FREM2: variants seen among roughly 807,000 people sequenced by gnomAD.
FREM2 encodes the protein FRAS1 related extracellular matrix 2, also known as FRAS1-related extracellular matrix protein 2.
Under a neutral mutation model 219.9 loss-of-function variants are expected in FREM2, and 119 were observed. The ratio of observed to expected loss-of-function variants is 0.54; its 90% CI spans 0.47 to 0.63. FREM2 has a LOEUF of 0.63. Among genes scored for constraint, FREM2 ranks in the 30% least tolerant of loss-of-function variants. FREM2 has a pLI of 0.00. For synonymous variants in FREM2, 1,562 were observed against 1,522.8 expected, an observed-to-expected ratio of 1.03 and a Z score of -0.60; for missense variants, 4,030 against 3,993.6, an observed-to-expected ratio of 1.01 and a Z score of -0.25.
intron 2 of FREM2, among the ~76,000 whole-genome samples, chr13:38,699,012 A>T (rs752244723): frequency 6.6e-6 from 1 of 152,166 alleles, no homozygotes; most frequent in Non-Finnish European, 1.5e-5. Flanking sequence ...ACGAAGTTCT[A>T]AAAAGGAAAT....
At position 38,721,667 on chromosome 13, in the gene FREM2, A is replaced by C. The variant is rs9603413; in HGVS notation, c.5263+23880A>C. ...GCTAGGCATACTCAAGCTATTTCAC[A>C]GTTCTTGTTTCTGAGGCTATGTTTA... On this transcript the variant is annotated intron_variant, in intron 2 of 23. Coordinates refer to ENST00000280481, the MANE Select transcript of FREM2 (RefSeq NM_207361.6). Among the ~76,000 whole-genome samples, 71 of 152,222 alleles carry C rather than the reference A, an allele frequency of 4.7e-4. 1 individual carries two copies. In the South Asian group the frequency reaches 0.014, roughly 30 times the overall value.
In FREM2 at chr13:38,769,736, C is replaced by T; in HGVS notation, c.5569C>T (p.Leu1857Phe). Residue 1857 changes from leucine (L) to phenylalanine (F), a missense_variant, in exon 4 of 24, where the codon CTC (leucine) becomes TTC (phenylalanine). This residue lies in a region of FREM2 where 3,102 missense variants were observed against 2,950.7 expected (regional missense o/e 1.05). Transcript: ENST00000280481. Reference sequence around the variant, plus strand: ...GCAGTCTGAAACCTTTCAGGTGGTACTCTCAGAGCCCGTGCTGGCTGCCTT... The same window carrying T: ...GCAGTCTGAAACCTTTCAGGTGGTATTCTCAGAGCCCGTGCTGGCTGCCTT... ...HEQSETFQVV[L>F]SEPVLAALEF... The T allele has an allele frequency of 1.9e-6, 3 of 1,614,124 alleles. No individual in the cohort carries two copies. The highest frequency in any genetic ancestry group is 2.5e-6 in the Non-Finnish European group (3 of 1,179,994).
At chr13:38,806,561 T>G (rs953268445) in intron 6 of FREM2, among the ~76,000 whole-genome samples, 1 of 152,080 alleles carries the variant, frequency 6.6e-6, no homozygotes, top group Admixed American at 6.5e-5. Context: ...TGTCTAAAAA[T>G]GTACATACCT....
In FREM2 at chr13:38,856,771, A is replaced by G. The variant is rs565751862; in HGVS notation, c.7056+515A>G. ...CTTGTTTTCTATACTTACTTAATTT[A>G]TATTGTCTCACTAACCAGGTTTTCC... On this transcript the variant is annotated intron_variant, in intron 12 of 23. Transcript: ENST00000280481. Among the ~76,000 whole-genome samples the G allele has an allele frequency of 5.8e-5, 8 of 137,482 alleles. 1 individual carries two copies. The highest frequency in any genetic ancestry group is 2.3e-4 in the African/African-American group (7 of 30,922). The allele number at this position is 137,482 out of a possible 152,430, so 90.2% of individuals were successfully genotyped here.
At chr13:38,751,596 C>G (rs1173926778) in intron 2 of FREM2, among the ~76,000 whole-genome samples, 1 of 152,136 alleles carries the variant, frequency 6.6e-6, no homozygotes, top group Non-Finnish European at 1.5e-5. Context: ...CCCCTCCCTC[C>G]TCTGAGCCCC....
Position 38,880,333 on chromosome 13 carries a change from C to A in FREM2, c.9056C>A (p.Ser3019Ter). The A allele has an allele frequency of 6.2e-7, 1 of 1,613,830 alleles. No homozygotes were observed. The highest frequency in any genetic ancestry group is 8.5e-7 in the Non-Finnish European group (1 of 1,179,962). ...WYIHTIYTVR[S>*]KDNANRGIGK... ...ATACATACGATCTATACAGTGAGAT[C>A]GAAAGACAATGCCAATCGAGGTATT... Residue 3019 changes from serine (S) to a stop codon, truncating the protein, a stop_gained, in exon 24 of 24, where the codon TCG becomes TAG. Transcript: ENST00000280481. LOFTEE classifies it low-confidence loss of function (END_TRUNC).
chr13:38,763,116 T>C (rs1055744340), intron 2 of FREM2, among the ~76,000 whole-genome samples: 1 of 152,218 alleles, frequency 6.6e-6, no homozygotes, highest in Non-Finnish European at 1.5e-5. Flanking sequence ...CTTGCACACA[T>C]TGGCACATAG....
chr13:38,787,806 C>T (rs750422530), intron 6 of FREM2, among the ~76,000 whole-genome samples: 15 of 150,082 alleles, frequency 1.0e-4, no homozygotes, highest in South Asian at 2.1e-4. Context: ...TGTTATTCAA[C>T]GAATATTGCA....
In FREM2 at chr13:38,764,418, G is replaced by A. The variant is rs144476070; in HGVS notation, c.5378G>A (p.Arg1793His). ...AAATTTCTAGATGTTGTTCTTAAAC[G>A]TAGAGGTTACTTGGGAGAAACTTCT... ...DSKFLDVVLKRRGYLGETSFI... is the reference protein window; with the variant it reads ...DSKFLDVVLKHRGYLGETSFI... Residue 1793 changes from arginine (R) to histidine (H), a missense_variant, in exon 3 of 24, where the codon CGT becomes CAT. By Grantham distance (29) the Arg-to-His change is conservative. Around this residue, in one of 2 missense-constraint regions of FREM2, gnomAD observed 3,102 missense variants for 2,950.7 expected, o/e 1.05. Transcript: ENST00000280481. 3.8e-6 allele frequency: 6 copies of A among 1,588,200 alleles called. No homozygotes were observed. Among genetic ancestry groups the A allele is most frequent in the African/African-American group, 1.3e-5 (1 of 74,420 alleles).
At chr13:38,705,911 A>G (rs1402266113) in intron 2 of FREM2, among the ~76,000 whole-genome samples, 1 of 152,076 alleles carries the variant, frequency 6.6e-6, no homozygotes, top group Non-Finnish European at 1.5e-5. Flanking sequence ...TGGTAGAAAG[A>G]TGGGGGAATA....
intron 6 of FREM2, among the ~76,000 whole-genome samples, chr13:38,834,779 C>A (rs1876646062): frequency 6.6e-6 from 1 of 152,186 alleles, no homozygotes; most frequent in Admixed American, 6.5e-5. Flanking sequence ...ATCCTTTGCC[C>A]ACTTTTTCAT....
intron 6 of FREM2, among the ~76,000 whole-genome samples, chr13:38,832,693 T>A (rs1403768905): frequency 6.6e-6 from 1 of 152,174 alleles, no homozygotes; most frequent in Admixed American, 6.6e-5. Flanking sequence ...TTAAACAATA[T>A]TACTATTTTT....
chr13:38,729,095 A>ATCCT (rs1316398315), intron 2 of FREM2, among the ~76,000 whole-genome samples: 1 of 152,182 alleles, frequency 6.6e-6, no homozygotes, highest in Non-Finnish European at 1.5e-5. Flanking sequence ...TTGGCCTCCT[A>ATCCT]TCCTTCTCTT....
At chr13:38,814,813 C>T (rs1014107972) in intron 6 of FREM2, among the ~76,000 whole-genome samples, 15 of 152,162 alleles carry the variant, frequency 9.9e-5, no homozygotes, top group African/African-American at 3.1e-4. Flanking sequence ...CTCCCCTTTT[C>T]GCAGTCAGAG....
At position 38,764,338 on chromosome 13, in the gene FREM2, G is replaced by A. The variant is rs142228317; in HGVS notation, c.5298G>A (p.Leu1766=). The change falls in exon 3 of 24, where the codon CTG becomes CTA. Residue 1766 remains leucine, a synonymous_variant. Coordinates refer to ENST00000280481, the MANE Select transcript of FREM2 (RefSeq NM_207361.6). ...AGTTAACGTACCAGAATTTTCGTCT[G>A]AATTGGGCATGGATCTCCTTTGAAA... The part of the protein sequence containing the change: ...GNKLTYQNFR[L]NWAWISFEKE... 5.0e-6 allele frequency: 8 copies of A among 1,611,684 alleles called. No homozygotes were observed. Among genetic ancestry groups the A allele is most frequent in the Admixed American group, 3.3e-5 (2 of 59,994 alleles).
At chr13:38,869,173 A>G (rs768374497) in intron 16 of FREM2, among the ~76,000 whole-genome samples, 1 of 152,228 alleles carries the variant, frequency 6.6e-6, no homozygotes, top group African/African-American at 2.4e-5. Context: ...TGTTCTTAGT[A>G]GCTAAAGCTA....
Position 38,739,169 on chromosome 13 carries a change from C to A in FREM2, c.5264-25135C>A, listed in dbSNP as rs146630516. ...GTAGAGTAGTAGTAGCAATCATTGT[C>A]ATAATCATCATCATCATCACTATTT... is the stretch of plus-strand genomic sequence containing the variant. On this transcript the variant is annotated intron_variant, in intron 2 of 23. Transcript: ENST00000280481. Among the ~76,000 whole-genome samples the A allele has an allele frequency of 4.5e-3, 681 of 152,188 alleles. 14 individuals carry two copies. The highest frequency in any genetic ancestry group is 0.016 in the African/African-American group (645 of 41,522).
rs1400422765 is a variant in FREM2, at chr13:38,887,081, C to T, written c.*6294C>T. ...GTGTTTCATAACTACGCTTGCTTTC[C>T]TTCAAAATATACCAAGTGTGTAATA... is the stretch of plus-strand genomic sequence containing the variant. On this transcript the variant is annotated 3_prime_UTR_variant, in exon 24 of 24. Transcript: ENST00000280481. 6.6e-6 allele frequency: 1 copy of T among 152,182 alleles called. No homozygotes were observed. The highest frequency in any genetic ancestry group is 1.5e-5 in the Non-Finnish European group (1 of 68,038). The allele number at this position is 152,182 out of a possible 1,614,324, so 9.4% of individuals were successfully genotyped here.
At chr13:38,867,489 T>G (rs1053544973) in intron 16 of FREM2, among the ~76,000 whole-genome samples, 1 of 152,176 alleles carries the variant, frequency 6.6e-6, no homozygotes. Context: ...AAGTGAAACT[T>G]AGAGATGTTG....
Sources: allele counts gnomAD v4.1 joint callset (sites outside exome capture counted in the v4.1 genomes callset), GRCh38; gene constraint gnomAD v4.1.1; regional missense constraint gnomAD v4.1.1; transcripts MANE v1.5; gene names NCBI Gene and HGNC (gene_info 2026-07-23, HGNC 2026-07-21).